Variants in SERINC3 observed in about 807,000 individuals in gnomAD.
SERINC3 encodes the protein tumor differentially expressed protein 1.
SERINC3 carries 22 observed loss-of-function variants against 52.1 expected under a neutral mutation model. The observed-to-expected ratio is 0.42, with a 90% CI of 0.30 to 0.60. The LOEUF is 0.60. Ranked by LOEUF, SERINC3 falls within the 20% of genes least tolerant of loss-of-function variation. The pLI is 0.16. For synonymous variants in SERINC3, 226 were observed against 212.7 expected (o/e 1.06, Z -0.54); for missense variants, 564 against 584.6 (o/e 0.96, Z 0.36).
At chr20:44,506,598 A>G (rs2123044004) in intron 6 of SERINC3, among the ~76,000 whole-genome samples, 1 of 147,624 alleles carries the variant, frequency 6.8e-6, no homozygotes, top group East Asian at 2.0e-4. Context: ...AAAAAAAAAA[A>G]AAAAAAAAAA....
In SERINC3 at chr20:44,500,340, T is replaced by C. The variant is rs1481966838; in HGVS notation, c.1378A>G (p.Thr460Ala). The change falls in exon 10 of 10, where the codon ACC becomes GCC. Residue 460 changes from threonine to alanine, a missense_variant. By Grantham distance (58) the Thr-to-Ala change is moderately conservative. Coordinates refer to ENST00000342374, the MANE Select transcript of SERINC3 (RefSeq NM_006811.4). ...GTGAGGACAAGTGGAGCCACAAGGG[T>C]CCAGACGTAAAGCAGGAGGCAGACC... Reference protein sequence around the residue: ...SWVCLLLYVWTLVAPLVLTSR... With the variant: ...SWVCLLLYVWALVAPLVLTSR... 3 of 1,610,426 alleles carry C rather than the reference T, an allele frequency of 1.9e-6. No homozygotes were observed. The highest frequency in any genetic ancestry group is 4.5e-5 in the East Asian group (2 of 44,854).
intron 1 of SERINC3, among the ~76,000 whole-genome samples, chr20:44,516,244 G>C (rs577339971): frequency 6.6e-6 from 1 of 152,026 alleles, no homozygotes; most frequent in Non-Finnish European, 1.5e-5. Flanking sequence ...CAAGGTTGCA[G>C]TGAGCCAAGA....
chr20:44,504,177 A>G (rs1301420005), intron 7 of SERINC3, among the ~76,000 whole-genome samples, 182 bp from the exon 8 acceptor site: 1 of 151,522 alleles, frequency 6.6e-6, no homozygotes, highest in Non-Finnish European at 1.5e-5. Context: ...CAGAATTAGG[A>G]AAAAAAAAGA....
intron 1 of SERINC3, among the ~76,000 whole-genome samples, chr20:44,520,001 G>A (rs2064405571): frequency 2.0e-5 from 3 of 152,134 alleles, no homozygotes; most frequent in Admixed American, 2.0e-4. Flanking sequence ...AGGAGGTTGG[G>A]ACTTTTCAGT....
intron 1 of SERINC3, among the ~76,000 whole-genome samples, chr20:44,519,158 ACCTTTACTTTT>A (rs2064400124): frequency 1.3e-5 from 2 of 152,146 alleles, no homozygotes; most frequent in African/African-American, 4.8e-5. Flanking sequence ...ACACTGCTTT[ACCTTTACTTTT>A]CTACCATCTA....
At chr20:44,520,985 T>C (rs1448279929) in intron 1 of SERINC3, among the ~76,000 whole-genome samples, 1 of 152,204 alleles carries the variant, frequency 6.6e-6, no homozygotes, top group Non-Finnish European at 1.5e-5. Flanking sequence ...GATTTGATGC[T>C]ATCTCCAAGT....
At chr20:44,510,773 G>A (rs937665188) in intron 4 of SERINC3, among the ~76,000 whole-genome samples, 5 of 151,774 alleles carry the variant, frequency 3.3e-5, no homozygotes, top group African/African-American at 9.7e-5. Context: ...ATCGTGCCAC[G>A]GCACTCCAGC....
intron 6 of SERINC3, 62 bp downstream of exon 6, chr20:44,506,765 C>A (rs6031636): frequency 2.6e-6 from 3 of 1,154,502 alleles, no homozygotes; most frequent in South Asian, 2.4e-5. Flanking sequence ...GAAAGGGTAC[C>A]TAGATTTTAA....
In SERINC3 at chr20:44,506,938, G is replaced by C; in HGVS notation, c.672C>G (p.Leu224=). ...CATCTGGTTTGGTGTAATATGTATA[G>C]AGCAGCCCGACACAGATGATTGACA... The part of the protein sequence containing the change: ...YILSIICVGL[L]YTYYTKPDGC... Residue 224 remains leucine, a synonymous_variant, in exon 6 of 10, where the codon CTC becomes CTG. Transcript: ENST00000342374. 1.2e-6 allele frequency: 2 copies of C among 1,613,070 alleles called. No individual in the cohort carries two copies. Among genetic ancestry groups the C allele is most frequent in the Non-Finnish European group, 8.5e-7 (1 of 1,179,606 alleles).
At chr20:44,503,275 T>A (rs186637430) in intron 8 of SERINC3, among the ~76,000 whole-genome samples, 1 of 152,146 alleles carries the variant, frequency 6.6e-6, no homozygotes, top group Non-Finnish European at 1.5e-5. Context: ...GAAATTCACA[T>A]GGGAATGCAA....
chr20:44,509,001 G>A (rs1259139857), intron 5 of SERINC3, among the ~76,000 whole-genome samples: 1 of 152,174 alleles, frequency 6.6e-6, no homozygotes, highest in East Asian at 1.9e-4. Flanking sequence ...CAATTCAATA[G>A]TATGTACTGA....
downstream of SERINC3, among the ~76,000 whole-genome samples, chr20:44,496,966 C>A (rs961299606): frequency 6.6e-6 from 1 of 152,186 alleles, no homozygotes; most frequent in Non-Finnish European, 1.5e-5. Flanking sequence ...AACCAGATAA[C>A]CCGCAAGACC....
At chr20:44,505,141 T>G (rs540496544) in intron 6 of SERINC3, among the ~76,000 whole-genome samples, 177 of 152,316 alleles carry the variant, frequency 1.2e-3, no homozygotes, top group African/African-American at 3.9e-3. Flanking sequence ...ACACAAGGAC[T>G]TTGATTTTCC....
At chr20:44,500,530 G>A in intron 9 of SERINC3, 96 bp from the exon 10 acceptor site, 1 of 1,426,786 alleles carries the variant, frequency 7.0e-7, no homozygotes, top group African/African-American at 1.4e-5. Context: ...AAATTCTCCA[G>A]TGAAACTTGG....
Position 44,498,048 on chromosome 20 carries a change from G to A in SERINC3, c.*2248C>T, listed in dbSNP as rs1050833900. 2.0e-5 allele frequency: 3 copies of A among 151,704 alleles called. No individual in the cohort carries two copies. Among genetic ancestry groups the A allele is most frequent in the Admixed American group, 6.6e-5 (1 of 15,232 alleles). 9.4% of individuals were successfully genotyped at this position (151,704 alleles called of 1,614,324 possible). A position where few individuals can be genotyped will look rare whatever the true frequency, so the allele number is the denominator to read the frequency against. ...AATAGTACGTACTCAACAAATAATA[G>A]CTGACAAGTTTGATAGCCAGAAAAC... On this transcript the variant is annotated 3_prime_UTR_variant, in exon 10 of 10. Coordinates refer to ENST00000342374, the MANE Select transcript of SERINC3 (RefSeq NM_006811.4).
chr20:44,507,610 C>T (rs1216698543), intron 5 of SERINC3, among the ~76,000 whole-genome samples: 10 of 152,170 alleles, frequency 6.6e-5, no homozygotes, highest in Admixed American at 1.3e-4. Context: ...GTGGCTCATG[C>T]CTGTAATCCC....
At chr20:44,509,601 T>C (rs1222776664) in intron 5 of SERINC3, among the ~76,000 whole-genome samples, 1 of 152,184 alleles carries the variant, frequency 6.6e-6, no homozygotes, top group Non-Finnish European at 1.5e-5. Flanking sequence ...TGATGATAGC[T>C]TACTGCAGCC....
At chr20:44,506,396 G>C (rs563397051) in intron 6 of SERINC3, among the ~76,000 whole-genome samples, 17 of 151,484 alleles carry the variant, frequency 1.1e-4, no homozygotes, top group Non-Finnish European at 2.4e-4. Flanking sequence ...GTTCAGCCTG[G>C]CCAAGATGGT....
intron 1 of SERINC3, among the ~76,000 whole-genome samples, chr20:44,520,677 G>A (rs762507831): frequency 6.6e-6 from 1 of 152,014 alleles, no homozygotes; most frequent in African/African-American, 2.4e-5. Flanking sequence ...TTGGGCAACG[G>A]AATCATTAGA....
Sources: gnomAD v4.1 joint callset for allele counts (sites outside exome capture counted in the v4.1 genomes callset) on GRCh38, gnomAD v4.1.1 for gene constraint, MANE v1.5 for transcripts, NCBI Gene and HGNC (gene_info 2026-07-23, HGNC 2026-07-21) for gene names.